The following MGST2 variants were observed in gnomAD, a reference collection of about 807,000 sequenced individuals.
The protein encoded by MGST2 is glutathione peroxidase MGST2.
MGST2 carries 9 observed loss-of-function variants against 16.6 expected under a neutral mutation model. The observed-to-expected ratio is 0.54, with a 90% CI of 0.33 to 0.95. The LOEUF is 0.95. MGST2 is among the 40% of genes least tolerant of loss of function. The probability of loss-of-function intolerance (pLI) is 0.03; values close to 1 mark genes in which losing one functional copy is unlikely to be tolerated. For synonymous variants in MGST2, 79 were observed against 68.0 expected (o/e 1.16, Z -0.79); for missense variants, 159 against 175.1 (o/e 0.91, Z 0.52).
chr4:139,753,236 T>C, the MGST2 span, among the ~76,000 whole-genome samples: 1 of 152,196 alleles, frequency 6.6e-6, no homozygotes, highest in Admixed American at 6.5e-5. Flanking sequence ...CTTCACAATG[T>C]TGTGTGATCG....
rs553724768 is a variant in MGST2 at position 139,681,620 on chromosome 4, A to T, written c.158+2978A>T. ...AAACCGTCACTTTTTTATTTCATTG[A>T]TGTAGTTTATTCTCTTATATTTGAG... On this transcript the variant is annotated intron_variant, in intron 2 of 4. Transcript: ENST00000265498. 2.6e-5 allele frequency among the ~76,000 whole-genome samples: 4 copies of T among 152,116 alleles called. No homozygotes were observed. The East Asian group carries it at 5.8e-4, about 22-fold the overall frequency.
At chr4:139,690,834 T>A (rs1017664429) in intron 2 of MGST2, among the ~76,000 whole-genome samples, 1 of 152,204 alleles carries the variant, frequency 6.6e-6, no homozygotes, top group Non-Finnish European at 1.5e-5. Context: ...CCATCCTTAC[T>A]GCTCCTGGTT....
intron 5 of MGST2, among the ~76,000 whole-genome samples, chr4:139,721,866 T>C (rs763673118): frequency 1.3e-5 from 2 of 152,236 alleles, no homozygotes; most frequent in Non-Finnish European, 2.9e-5. Flanking sequence ...TGTAATATTG[T>C]CATGCAGTTT....
intron 1 of MGST2, among the ~76,000 whole-genome samples, chr4:139,671,474 G>GT (rs1187541511): frequency 7.9e-5 from 12 of 151,846 alleles, no homozygotes; most frequent in African/African-American, 2.4e-4. Flanking sequence ...TCATATATAC[G>GT]TATATATATT....
At chr4:139,667,068 T>C (rs8192011) in intron 1 of MGST2, among the ~76,000 whole-genome samples, 4,250 of 152,312 alleles carry the variant, frequency 0.028, 176 homozygotes, top group African/African-American at 0.089. Flanking sequence ...AGGAAAACCC[T>C]AGACAAATTA....
intron 5 of MGST2, chr4:139,730,380 G>T (rs1728650896): frequency 1.3e-6 from 2 of 1,500,234 alleles, no homozygotes; most frequent in East Asian, 4.9e-5. Context: ...AGTGCTTGCT[G>T]AATGAATGAA....
chr4:139,714,923 A>C (rs778924123), intron 5 of MGST2, among the ~76,000 whole-genome samples: 2 of 152,186 alleles, frequency 1.3e-5, no homozygotes, highest in African/African-American at 2.4e-5. Flanking sequence ...GATCCTGTAC[A>C]TTCCTAATTC....
At chr4:139,673,762 C>G (rs1164792413) in intron 1 of MGST2, among the ~76,000 whole-genome samples, 1 of 152,150 alleles carries the variant, frequency 6.6e-6, no homozygotes, top group Non-Finnish European at 1.5e-5. Flanking sequence ...CCAGGCTGGT[C>G]TTGAACTCCT....
rs567496451 is a variant in MGST2, at chr4:139,690,002, T to A, written c.159-5195T>A. 2.1e-4 allele frequency among the ~76,000 whole-genome samples: 31 copies of A among 150,906 alleles called. No homozygotes were observed. In the Middle Eastern group the frequency reaches 0.01, roughly 50 times the overall value. Reference sequence around the variant, plus strand: ...AATCCTATCCTTTAATTAAAAAAAATTTTTTTTGAGACAGAGCCTTGCTCT... The same window carrying A: ...AATCCTATCCTTTAATTAAAAAAAAATTTTTTTGAGACAGAGCCTTGCTCT... On this transcript the variant is annotated intron_variant, in intron 2 of 4. Transcript: ENST00000265498.
intron 1 of MGST2, among the ~76,000 whole-genome samples, chr4:139,672,068 G>C (rs745852670): frequency 6.6e-6 from 1 of 152,198 alleles, no homozygotes; most frequent in Non-Finnish European, 1.5e-5. Context: ...CTTGGGGCTG[G>C]ACTGGGAGTA....
intron 3 of MGST2, among the ~76,000 whole-genome samples, chr4:139,702,962 G>A (rs1394964702): frequency 6.8e-6 from 1 of 146,926 alleles, no homozygotes; most frequent in East Asian, 2.1e-4. Flanking sequence ...GTCTCAATTT[G>A]TCACCCAGGC....
At chr4:139,714,961 A>C (rs1460095763) in intron 5 of MGST2, among the ~76,000 whole-genome samples, 1 of 152,204 alleles carries the variant, frequency 6.6e-6, no homozygotes, top group Non-Finnish European at 1.5e-5. Context: ...AGCAAAGTAC[A>C]AGGGAGATTA....
At chr4:139,679,088 CTGTAAGAAT>C in intron 2 of MGST2, 1 of 182,994 alleles carries the variant, frequency 5.5e-6, no homozygotes, top group Admixed American at 5.5e-5. Context: ...AATCAGAAAC[CTGTAAGAAT>C]GAGAAAGCTT....
intron 2 of MGST2, among the ~76,000 whole-genome samples, chr4:139,691,431 A>G (rs1168912613): frequency 6.6e-6 from 1 of 152,176 alleles, no homozygotes; most frequent in Admixed American, 6.5e-5. Context: ...CTTGAGTTAA[A>G]CATGCCTGCT....
intron 5 of MGST2, among the ~76,000 whole-genome samples, chr4:139,739,028 C>T (rs1729062616): frequency 6.6e-6 from 1 of 152,174 alleles, no homozygotes; most frequent in African/African-American, 2.4e-5. Flanking sequence ...GGCTTTTAAG[C>T]TCCTTTGGGA....
chr4:139,695,252 T>C lies in MGST2; in HGVS notation c.214T>C (p.Trp72Arg). ...IFIITLWMAGWYFNQVFATCL... is the reference protein window; with the variant it reads ...IFIITLWMAGRYFNQVFATCL... Reference sequence around the variant, plus strand: ...CATAATTACATTGTGGATGGCTGGGTGGTATTTCAACCAAGGTAATGTTAA... The same window carrying C: ...CATAATTACATTGTGGATGGCTGGGCGGTATTTCAACCAAGGTAATGTTAA... Residue 72 changes from tryptophan (W) to arginine (R), a missense_variant, in exon 3 of 5, where the codon TGG becomes CGG. By Grantham distance (101) the Trp-to-Arg change is moderately radical. Transcript: ENST00000265498. 6.2e-7 allele frequency: 1 copy of C among 1,612,524 alleles called. No homozygotes were observed. The highest frequency in any genetic ancestry group is 8.5e-7 in the Non-Finnish European group (1 of 1,178,494).
intron 5 of MGST2, among the ~76,000 whole-genome samples, chr4:139,723,113 G>A (rs6834271): frequency 1.3e-5 from 2 of 152,152 alleles, no homozygotes; most frequent in African/African-American, 2.4e-5. Flanking sequence ...ATATCTATAT[G>A]AGTGCGAAAT....
intron 2 of MGST2, among the ~76,000 whole-genome samples, chr4:139,690,534 A>C (rs919868208): frequency 6.6e-6 from 1 of 152,148 alleles, no homozygotes; most frequent in Admixed American, 6.5e-5. Flanking sequence ...TAAATCCCAG[A>C]TTCTCCATGG....
At chr4:139,666,797 C>T (rs1306269099) in intron 1 of MGST2, among the ~76,000 whole-genome samples, 2 of 152,098 alleles carry the variant, frequency 1.3e-5, no homozygotes, top group Non-Finnish European at 2.9e-5. Flanking sequence ...TTTATATTTC[C>T]AAGTATGCCT....
Sources: gnomAD v4.1 joint callset for allele counts (sites outside exome capture counted in the v4.1 genomes callset) on GRCh38, gnomAD v4.1.1 for gene constraint, MANE v1.5 for transcripts, NCBI Gene and HGNC (gene_info 2026-07-23, HGNC 2026-07-21) for gene names.